The following HEPHL1 variants were observed in gnomAD, a reference collection of about 807,000 sequenced individuals.
HEPHL1 encodes hephaestin like 1.
HEPHL1 carries 123 observed loss-of-function variants against 122.0 expected under a neutral mutation model. The ratio of observed to expected loss-of-function variants is 1.01; its 90% CI spans 0.87 to 1.17. The LOEUF (loss-of-function observed/expected upper bound fraction) is 1.17, where lower values mean the gene tolerates loss of function less well. HEPHL1 is among the 50% of genes most tolerant of loss of function. HEPHL1 has a pLI of 0.00. For missense variants in HEPHL1, 1,452 were observed against 1,430.5 expected, an observed-to-expected ratio of 1.01 and a Z score of -0.24; for synonymous variants, 527 against 508.9, an observed-to-expected ratio of 1.04 and a Z score of -0.48.
At position 94,061,541 on chromosome 11, in the gene HEPHL1, A is replaced by G. The variant is rs933265993; in HGVS notation, c.416-1967A>G. Among the ~76,000 whole-genome samples, 6 of 149,324 alleles carry G rather than the reference A, an allele frequency of 4.0e-5. No individual in the cohort carries two copies. In the South Asian group the frequency reaches 6.3e-4, roughly 16 times the overall value. On this transcript the variant is annotated intron_variant, in intron 2 of 19. Transcript: ENST00000315765. The stretch of plus-strand genomic sequence containing the variant: ...TAGTATCAAATGCTGCTGAGATAAC[A>G]TAGTTTTTTTAAATGTCATTTGGAT...
chr11:94,076,279 A>T (rs77684745), intron 9 of HEPHL1, among the ~76,000 whole-genome samples: 1 of 152,194 alleles, frequency 6.6e-6, no homozygotes, highest in Non-Finnish European at 1.5e-5. Context: ...ATGATTATTC[A>T]TATTTTAAAG....
At chr11:94,108,081 C>T (rs1211894969) in intron 17 of HEPHL1, among the ~76,000 whole-genome samples, 2 of 152,038 alleles carry the variant, frequency 1.3e-5, no homozygotes, top group Non-Finnish European at 2.9e-5. Flanking sequence ...ATTTTTTTCC[C>T]TTAGGCATTC....
intron 1 of HEPHL1, among the ~76,000 whole-genome samples, chr11:94,028,149 C>T (rs1360405754): frequency 6.6e-6 from 1 of 152,180 alleles, no homozygotes; most frequent in Admixed American, 6.5e-5. Flanking sequence ...GGGCTCTGGA[C>T]AGTAGAGTTG....
At chr11:94,093,969 C>CAGATATATAT (rs1946284002) in intron 13 of HEPHL1, among the ~76,000 whole-genome samples, 1 of 50,716 alleles carries the variant, frequency 2.0e-5, no homozygotes, top group Non-Finnish European at 4.0e-5. Context: ...AATCCTCCAG[C>CAGATATATAT]AGATATATAT....
At chr11:94,096,761 C>T (rs1425588800) in intron 13 of HEPHL1, among the ~76,000 whole-genome samples, 2 of 152,214 alleles carry the variant, frequency 1.3e-5, no homozygotes, top group African/African-American at 2.4e-5. Context: ...GTGTATGTGT[C>T]GAGGAATTTA....
chr11:94,102,503 C>T (rs1224305211), intron 14 of HEPHL1, among the ~76,000 whole-genome samples: 4 of 152,178 alleles, frequency 2.6e-5, no homozygotes, highest in Non-Finnish European at 5.9e-5. Flanking sequence ...TGGGGTGAGG[C>T]CTGAGCAGCA....
At chr11:94,028,842 C>T (rs1945647756) in intron 1 of HEPHL1, among the ~76,000 whole-genome samples, 1 of 152,168 alleles carries the variant, frequency 6.6e-6, no homozygotes, top group South Asian at 2.1e-4. Context: ...GGCAAATTTG[C>T]ATTTTATAGA....
chr11:94,024,320 T>G (rs1429433295), intron 1 of HEPHL1, among the ~76,000 whole-genome samples: 1 of 152,200 alleles, frequency 6.6e-6, no homozygotes, highest in African/African-American at 2.4e-5. Flanking sequence ...CTTTCCTTAA[T>G]TTGTGTAAGA....
intron 13 of HEPHL1, 143 bp downstream of exon 13, chr11:94,093,783 C>G: frequency 4.3e-6 from 4 of 939,684 alleles, no homozygotes; most frequent in Non-Finnish European, 6.2e-6. Flanking sequence ...TAATATCTTC[C>G]TGCTCTACCA....
At chr11:94,098,397 G>A (rs1048256022) in intron 13 of HEPHL1, among the ~76,000 whole-genome samples, 5 of 152,134 alleles carry the variant, frequency 3.3e-5, no homozygotes, top group Non-Finnish European at 5.9e-5. Context: ...TAGTCTGATG[G>A]GCTTCCCTTT....
In HEPHL1 at chr11:94,070,559, G is replaced by A. The variant is rs1170566962; in HGVS notation, c.1232+17G>A. On this transcript the variant is annotated intron_variant, in intron 6 of 19. Coordinates refer to ENST00000315765, the MANE Select transcript of HEPHL1 (RefSeq NM_001098672.2). ...CTCTGGCAGGTAAGCACCCTTTGTT[G>A]GTGTTTCTAAGCCTCTCGTCAGAGA... 2 of 1,592,014 alleles carry A rather than the reference G, an allele frequency of 1.3e-6. No individual in the cohort carries two copies. The highest frequency in any genetic ancestry group is 2.3e-5 in the South Asian group (2 of 88,304).
chr11:94,082,772 A>C (rs1361272396), intron 10 of HEPHL1, among the ~76,000 whole-genome samples: 1 of 152,208 alleles, frequency 6.6e-6, no homozygotes, highest in East Asian at 1.9e-4. Context: ...CTTCTAGAGC[A>C]CTTTATCAGC....
At chr11:94,035,686 G>C (rs1945714254) in intron 1 of HEPHL1, among the ~76,000 whole-genome samples, 1 of 152,194 alleles carries the variant, frequency 6.6e-6, no homozygotes, top group Non-Finnish European at 1.5e-5. Flanking sequence ...GACAAAGGCA[G>C]GCAGAGGCTT....
At chr11:94,067,917 A>G (rs375010967) in intron 5 of HEPHL1, among the ~76,000 whole-genome samples, 167 bp downstream of exon 5, 123 of 152,320 alleles carry the variant, frequency 8.1e-4, no homozygotes, top group African/African-American at 2.8e-3. Context: ...TTGATATTCT[A>G]TCAACAGATA....
chr11:94,096,145 T>A (rs1267661526), intron 13 of HEPHL1, among the ~76,000 whole-genome samples: 1 of 152,214 alleles, frequency 6.6e-6, no homozygotes, highest in Non-Finnish European at 1.5e-5. Flanking sequence ...AGTATGATAT[T>A]GGCTGTCGGT....
At chr11:94,057,558 A>T (rs1284432416) in intron 2 of HEPHL1, among the ~76,000 whole-genome samples, 2 of 152,046 alleles carry the variant, frequency 1.3e-5, no homozygotes, top group Admixed American at 6.6e-5. Context: ...GAGCTCCTCT[A>T]GTATTTTATT....
intron 12 of HEPHL1, 90 bp from the exon 13 acceptor site, chr11:94,093,411 A>G (rs1946278031): frequency 1.4e-6 from 2 of 1,443,400 alleles, no homozygotes; most frequent in Non-Finnish European, 1.9e-6. Flanking sequence ...TTTGGGGAGC[A>G]CTTCTCCAGA....
chr11:94,053,363 C>G (rs1333186230), intron 2 of HEPHL1, among the ~76,000 whole-genome samples: 11 of 151,984 alleles, frequency 7.2e-5, no homozygotes, highest in Non-Finnish European at 5.9e-5. Context: ...CTTGGCCAGT[C>G]TAAATGAAGT....
At chr11:94,042,731 G>C (rs372208050) in intron 1 of HEPHL1, among the ~76,000 whole-genome samples, 5 of 121,176 alleles carry the variant, frequency 4.1e-5, no homozygotes, top group East Asian at 2.8e-4. Flanking sequence ...GTGGTGGGGT[G>C]GGGGGAGGGG....
Sources: gnomAD v4.1 joint callset for allele counts (sites outside exome capture counted in the v4.1 genomes callset) on GRCh38, gnomAD v4.1.1 for gene constraint, MANE v1.5 for transcripts, NCBI Gene and HGNC (gene_info 2026-07-23, HGNC 2026-07-21) for gene names.